The following SUGP2 variants were observed in gnomAD, a reference collection of about 807,000 sequenced individuals.
The protein encoded by SUGP2 is SURP and G-patch domain containing 2.
Under a neutral mutation model 90.5 loss-of-function variants are expected in SUGP2, and 24 were observed. That is an observed-to-expected ratio of 0.27 (90% CI 0.19 to 0.37). The LOEUF is 0.37. Among genes scored for constraint, SUGP2 ranks in the 10% least tolerant of loss-of-function variants. The probability of loss-of-function intolerance (pLI) is 1.00; values close to 1 mark genes in which losing one functional copy is unlikely to be tolerated. For missense variants in SUGP2, 1,233 were observed against 1,363.3 expected, an observed-to-expected ratio of 0.90 and a Z score of 1.51; for synonymous variants, 473 against 513.4, an observed-to-expected ratio of 0.92 and a Z score of 1.06.
chr19:19,022,036 G>A (rs1349761876), intron 3 of SUGP2, among the ~76,000 whole-genome samples: 2 of 151,908 alleles, frequency 1.3e-5, no homozygotes, highest in Admixed American at 6.6e-5. Flanking sequence ...CCAGGCTGGA[G>A]AGCAGTGGCA....
At chr19:19,011,451 T>G (rs2058309523) in intron 4 of SUGP2, among the ~76,000 whole-genome samples, 1 of 152,006 alleles carries the variant, frequency 6.6e-6, no homozygotes, top group African/African-American at 2.4e-5. Flanking sequence ...CCTGGCCCAC[T>G]ATTTCTAATA....
At chr19:19,022,831 C>T (rs2058777806) in intron 3 of SUGP2, among the ~76,000 whole-genome samples, 1 of 152,024 alleles carries the variant, frequency 6.6e-6, no homozygotes, top group South Asian at 2.1e-4. Context: ...GTTGGGGCTT[C>T]CTGAGGGTGG....
chr19:19,029,640 G>A (rs1370093845), intron 2 of SUGP2, among the ~76,000 whole-genome samples: 7 of 144,766 alleles, frequency 4.8e-5, no homozygotes, highest in Non-Finnish European at 9.1e-5. Flanking sequence ...TAAAGACGGG[G>A]TTTCACCATT....
intron 8 of SUGP2, among the ~76,000 whole-genome samples, chr19:18,998,663 G>C (rs550514935): frequency 1.3e-5 from 2 of 152,124 alleles, no homozygotes; most frequent in Admixed American, 6.6e-5. Context: ...GTGTGTGTGC[G>C]TGAGTTACTG....
chr19:19,031,806 T>C (rs964666371), intron 1 of SUGP2, among the ~76,000 whole-genome samples: 2 of 148,454 alleles, frequency 1.3e-5, no homozygotes, highest in Non-Finnish European at 3.0e-5. Context: ...AGAGGCAAGC[T>C]GGACCCTTTT....
chr19:19,025,931 C>T lies in SUGP2; in HGVS notation c.417G>A (p.Ala139=), dbSNP rs778358371. ...AGTCTTGTTCCCAAGAACCACGGAGCGCAAATTTCCAGTCCTGAGAACGGA... is the reference window on the plus strand; with the variant it reads ...AGTCTTGTTCCCAAGAACCACGGAGTGCAAATTTCCAGTCCTGAGAACGGA... ...GHFRSQDWKF[A]LRGSWEQDFG... is the part of the protein sequence containing the mutation. The change falls in exon 3 of 11, where the codon GCG becomes GCA. Residue 139 remains alanine, a synonymous_variant. Transcript: ENST00000452918. The T allele has an allele frequency of 1.1e-5, 17 of 1,614,028 alleles. No homozygotes were observed. The highest frequency in any genetic ancestry group is 1.6e-4 in the Middle Eastern group (1 of 6,082).
chr19:18,997,386 C>T (rs974657415), intron 8 of SUGP2, among the ~76,000 whole-genome samples: 2 of 152,038 alleles, frequency 1.3e-5, no homozygotes, highest in African/African-American at 4.8e-5. Flanking sequence ...AAGGCCTGGG[C>T]CTCTGGAGCT....
chr19:19,000,335 C>T (rs1440780872), intron 8 of SUGP2, among the ~76,000 whole-genome samples: 2 of 152,216 alleles, frequency 1.3e-5, no homozygotes, highest in East Asian at 3.9e-4. Flanking sequence ...TCGACCCCAC[C>T]TTATTCTCCC....
intron 7 of SUGP2, among the ~76,000 whole-genome samples, chr19:19,002,670 C>T (rs549468102): frequency 1.6e-4 from 24 of 152,016 alleles, no homozygotes; most frequent in African/African-American, 5.3e-4. Flanking sequence ...TGCGTCACCA[C>T]GCCTCGCTAA....
Position 18,994,365 on chromosome 19 carries a change from C to T in SUGP2, c.*1G>A. On this transcript the variant is annotated splice_donor_variant, in intron 10 of 10. Coordinates refer to ENST00000452918, the MANE Select transcript of SUGP2 (RefSeq NM_001017392.5). LOFTEE classifies it low-confidence loss of function (3UTR_SPLICE). ...CCTTACACACTGGCCTGTGAACATA[C>T]CTATTTGTTGGCCCGCTTGTGTCTG... The T allele has an allele frequency of 1.9e-6, 3 of 1,614,100 alleles. No individual in the cohort carries two copies. The highest frequency in any genetic ancestry group is 2.5e-6 in the Non-Finnish European group (3 of 1,179,950).
upstream of SUGP2, chr19:19,033,624 A>T: frequency 8.7e-7 from 1 of 1,150,180 alleles, no homozygotes; most frequent in Non-Finnish European, 1.1e-6. Flanking sequence ...CTCTTGCGCA[A>T]GCGCGCTGTC....
At position 19,025,607 on chromosome 19, in the gene SUGP2, C is replaced by T; in HGVS notation, c.741G>A (p.Leu247=). 1 of 1,614,006 alleles carries T rather than the reference C, an allele frequency of 6.2e-7. No homozygotes were observed. Among genetic ancestry groups the T allele is most frequent in the Non-Finnish European group, 8.5e-7 (1 of 1,179,994 alleles). The change falls in exon 3 of 11, where the codon TTG becomes TTA. Residue 247 remains leucine (L), a synonymous_variant. Transcript: ENST00000452918. ...AKGGVGKLVT[L]RNVSTKKIPT... ...GTATTTTTTTTGTGCTCACATTTCT[C>T]AATGTGACAAGTTTCCCAACACCCC...
intron 8 of SUGP2, among the ~76,000 whole-genome samples, chr19:19,000,684 G>C (rs1252747620): frequency 6.6e-6 from 1 of 151,688 alleles, no homozygotes; most frequent in East Asian, 1.9e-4. Flanking sequence ...TTACAGGCGT[G>C]AATCAGTGCA....
Position 19,010,027 on chromosome 19 carries a change from C to T in SUGP2, c.2166G>A (p.Gln722=), listed in dbSNP as rs942029757. The T allele has an allele frequency of 1.9e-6, 3 of 1,614,014 alleles. No homozygotes were observed. Among genetic ancestry groups the T allele is most frequent in the Non-Finnish European group, 2.5e-6 (3 of 1,180,036 alleles). The change falls in exon 5 of 11, where the codon CAG becomes CAA. Residue 722 remains glutamine (Q), a synonymous_variant. Coordinates refer to ENST00000452918, the MANE Select transcript of SUGP2 (RefSeq NM_001017392.5). Reference sequence around the variant, plus strand: ...TTCTGTCTGGCAGGGATGGTTTTGCCTGTGAGAGGCCTGGAGCCTGCCGGC... The same window carrying T: ...TTCTGTCTGGCAGGGATGGTTTTGCTTGTGAGAGGCCTGGAGCCTGCCGGC... The part of the protein sequence containing the change: ...HHGRQAPGLS[Q]AKPSLPDRND...
Position 18,994,668 on chromosome 19 carries a change from GC to G in SUGP2, c.3129-183del, listed in dbSNP as rs962195694. The G allele has an allele frequency of 4.8e-5, 41 of 860,256 alleles. No homozygotes were observed. In the African/African-American group the frequency reaches 7.0e-4, roughly 15 times the overall value. The allele number at this position is 860,256 out of a possible 1,614,324, so 53.3% of individuals were successfully genotyped here. On this transcript the variant is annotated intron_variant, in intron 9 of 10. Transcript: ENST00000452918. ...AACAAGGAGTACTCACCCTCGAAGA[GC>G]TGGCTTTTGAGGGGGTGCCCAGAGG... is the stretch of plus-strand genomic sequence containing the variant.
At chr19:19,008,899 G>A (rs1478922304) in intron 5 of SUGP2, among the ~76,000 whole-genome samples, 3 of 152,050 alleles carry the variant, frequency 2.0e-5, no homozygotes, top group South Asian at 2.1e-4. Flanking sequence ...AATACCGGAC[G>A]CCTCCTGGTT....
chr19:18,997,672 A>T (rs995804550), intron 8 of SUGP2, among the ~76,000 whole-genome samples: 1 of 150,854 alleles, frequency 6.6e-6, no homozygotes, highest in Admixed American at 6.6e-5. Flanking sequence ...AATCCCAGCT[A>T]CTCTGGAGGC....
chr19:19,033,328 G>C (rs1312357084), intron 1 of SUGP2, 109 bp downstream of exon 1: 5 of 1,096,828 alleles, frequency 4.6e-6, no homozygotes, highest in Admixed American at 5.1e-5. Context: ...CGCAGCCAGA[G>C]GGCCGAGCCT....
chr19:19,007,079 C>T (rs1599451000), intron 6 of SUGP2, among the ~76,000 whole-genome samples: 1 of 152,344 alleles, frequency 6.6e-6, no homozygotes, highest in Non-Finnish European at 1.5e-5. Context: ...AGATGGGTGC[C>T]TCCTACCGGC....
Sources: allele counts gnomAD v4.1 joint callset (sites outside exome capture counted in the v4.1 genomes callset), GRCh38; gene constraint gnomAD v4.1.1; transcripts MANE v1.5; gene names NCBI Gene and HGNC (gene_info 2026-07-23, HGNC 2026-07-21).